The following ANKRD11 variants were observed in gnomAD, a reference collection of about 807,000 sequenced individuals.
ANKRD11 encodes ankyrin repeat domain-containing protein 11.
A neutral mutation model predicts 195.7 loss-of-function variants in ANKRD11; 17 were observed. The ratio of observed to expected loss-of-function variants is 0.09; its 90% confidence interval spans 0.06 to 0.13. The LOEUF is 0.13. ANKRD11 is among the 10% of genes least tolerant of loss of function. The probability of loss-of-function intolerance (pLI) is 1.00; values close to 1 mark genes in which losing one functional copy is unlikely to be tolerated. For synonymous variants in ANKRD11, 1,953 were observed against 1,528.1 expected (o/e 1.28, Z -6.49); for missense variants, 3,735 against 3,566.1 (o/e 1.05, Z -1.21).
intron 4 of ANKRD11, among the ~76,000 whole-genome samples, chr16:89,293,641 G>C (rs2035221006): frequency 8.1e-6 from 1 of 124,190 alleles, no homozygotes; most frequent in African/African-American, 3.2e-5. Flanking sequence ...GGGCTGCGGA[G>C]GGGAGGAGGC....
chr16:89,274,065 G>A (rs995613187), intron 11 of ANKRD11, among the ~76,000 whole-genome samples: 2 of 152,206 alleles, frequency 1.3e-5, no homozygotes, highest in Non-Finnish European at 2.9e-5. Context: ...GGGAGAGCCA[G>A]GGGTCCCACA....
chr16:89,283,827 G>C lies in ANKRD11; in HGVS notation c.2715C>G (p.Phe905Leu). The C allele has an allele frequency of 2.5e-6, 4 of 1,614,076 alleles. No individual in the cohort carries two copies. The highest frequency in any genetic ancestry group is 3.4e-6 in the Non-Finnish European group (4 of 1,180,028). Residue 905 changes from phenylalanine to leucine, a missense_variant, in exon 9 of 13, where the codon TTC (phenylalanine) becomes TTG (leucine). Transcript: ENST00000301030. The surrounding 1 kb of genome is among the most constrained non-coding windows in gnomAD (Gnocchi z 4.3). ...CCAAATAGTCCCTGTCCTTCTTTCG[G>C]AAGAAGGGCTCTCTGTAGTCTCGCT... ...REKRDYREPF[F>L]RKKDRDYLDK... is the part of the protein sequence containing the mutation.
At position 89,336,986 on chromosome 16, in the gene ANKRD11, A is replaced by T. The variant is rs181208318; in HGVS notation, c.-59-19908T>A. ...GGAGGTGGAGACTAGCCTGGGCAAC[A>T]TGGTGAAACCCTGGCTCTACCAAAA... On this transcript the variant is annotated intron_variant, in intron 2 of 12. Coordinates refer to ENST00000301030, the MANE Select transcript of ANKRD11 (RefSeq NM_013275.6). 1.5e-3 allele frequency among the ~76,000 whole-genome samples: 204 copies of T among 138,310 alleles called. 3 individuals carry two copies. Among genetic ancestry groups the T allele is most frequent in the African/African-American group, 5.2e-3 (194 of 37,260 alleles). The allele number at this position is 138,310 out of a possible 152,430, so 90.7% of individuals were successfully genotyped here.
At chr16:89,269,095 G>A (rs2032898921) in intron 12 of ANKRD11, among the ~76,000 whole-genome samples, 1 of 152,242 alleles carries the variant, frequency 6.6e-6, no homozygotes, top group African/African-American at 2.4e-5. Flanking sequence ...ACTGGACTGG[G>A]GTAGCACATA....
intron 1 of ANKRD11, among the ~76,000 whole-genome samples, chr16:89,449,823 G>A (rs1315209899): frequency 6.6e-6 from 1 of 152,066 alleles, no homozygotes; most frequent in African/African-American, 2.4e-5. Context: ...ATACCAACCT[G>A]GTGAGCTAGG....
intron 2 of ANKRD11, among the ~76,000 whole-genome samples, chr16:89,328,145 G>A (rs1036706633): frequency 3.0e-5 from 3 of 98,502 alleles, no homozygotes; most frequent in Admixed American, 1.0e-4. Flanking sequence ...ACTTAAAGCC[G>A]CAATGAGATA....
At chr16:89,320,850 G>A (rs576072253) in intron 2 of ANKRD11, among the ~76,000 whole-genome samples, 1 of 152,360 alleles carries the variant, frequency 6.6e-6, no homozygotes, top group African/African-American at 2.4e-5. Flanking sequence ...CACTGCGAGA[G>A]CCCCTGCAGC....
intron 1 of ANKRD11, among the ~76,000 whole-genome samples, chr16:89,420,791 A>G (rs1421782172): frequency 6.6e-6 from 1 of 152,204 alleles, no homozygotes; most frequent in Non-Finnish European, 1.5e-5. Flanking sequence ...AACACAGCTC[A>G]CTGCGGCCTC....
At chr16:89,269,410 A>G (rs4238828) in intron 12 of ANKRD11, among the ~76,000 whole-genome samples, 13,873 of 152,164 alleles carry the variant, frequency 0.091, 881 homozygotes, top group East Asian at 0.36. Flanking sequence ...TATGTATGAA[A>G]TCGTTTTCGA....
chr16:89,429,880 A>T (rs2042901195), intron 1 of ANKRD11, among the ~76,000 whole-genome samples: 1 of 58,662 alleles, frequency 1.7e-5, no homozygotes, highest in Non-Finnish European at 3.5e-5. Flanking sequence ...TCTAGTACAC[A>T]GCAGGTACTC....
At chr16:89,286,864 A>C in intron 7 of ANKRD11, 3 of 1,288,210 alleles carry the variant, frequency 2.3e-6, no homozygotes, top group Non-Finnish European at 3.0e-6. Flanking sequence ...AATTAAATTT[A>C]ATCCCAACTT....
chr16:89,462,254 G>C (rs2056705035), intron 1 of ANKRD11, among the ~76,000 whole-genome samples: 1 of 152,202 alleles, frequency 6.6e-6, no homozygotes, highest in Admixed American at 6.5e-5. Context: ...TGGTTTTGGT[G>C]GAGACGGGGT....
At chr16:89,313,813 C>A (rs1422851140) in intron 3 of ANKRD11, among the ~76,000 whole-genome samples, 3 of 152,180 alleles carry the variant, frequency 2.0e-5, no homozygotes, top group Non-Finnish European at 4.4e-5. Context: ...CTATTTCAAG[C>A]TACTGTTCAA....
At chr16:89,324,222 G>T in intron 2 of ANKRD11, 1 of 1,198,124 alleles carries the variant, frequency 8.3e-7, no homozygotes, top group South Asian at 1.5e-5. Flanking sequence ...ACTGGCCTCT[G>T]CTTTGCCCCT....
chr16:89,323,251 A>G, intron 2 of ANKRD11: 7 of 1,247,082 alleles, frequency 5.6e-6, no homozygotes, highest in Non-Finnish European at 7.4e-6. Context: ...AAAAGGAAAA[A>G]GAGCTGCATA....
At chr16:89,475,271 T>C (rs1476771452) in intron 1 of ANKRD11, among the ~76,000 whole-genome samples, 2 of 152,100 alleles carry the variant, frequency 1.3e-5, no homozygotes, top group African/African-American at 4.8e-5. Flanking sequence ...GAAAATCCAA[T>C]CATTCTGATG....
chr16:89,279,759 T>C lies in ANKRD11; in HGVS notation c.6783A>G (p.Glu2261=), dbSNP rs762034600. 1 of 1,523,640 alleles carries C rather than the reference T, an allele frequency of 6.6e-7. No homozygotes were observed. Among genetic ancestry groups the C allele is most frequent in the Middle Eastern group, 2.0e-4 (1 of 4,904 alleles). 94.4% of individuals were successfully genotyped at this position (1,523,640 alleles called of 1,614,324 possible). Residue 2261 remains glutamate (E), a synonymous_variant, in exon 9 of 13, where the codon GAA becomes GAG. Coordinates refer to ENST00000301030, the MANE Select transcript of ANKRD11 (RefSeq NM_013275.6). The surrounding 1 kb of genome is among the most constrained non-coding windows in gnomAD (Gnocchi z 5.6). ...LGSGDQGAEA[E]GPPAASLCAP... ...CACAGAGGGACGCGGCGGGGGGGCCTTCAGCCTCAGCCCCCTGGTCTCCGC... is the reference window on the plus strand; with the variant it reads ...CACAGAGGGACGCGGCGGGGGGGCCCTCAGCCTCAGCCCCCTGGTCTCCGC...
intron 2 of ANKRD11, among the ~76,000 whole-genome samples, chr16:89,333,574 A>C (rs74968519): frequency 0.048 from 7,347 of 152,164 alleles, 274 homozygotes; most frequent in East Asian, 0.19. Context: ...TGCTGTCTGC[A>C]CAGTTTTGCC....
At chr16:89,437,377 C>A (rs1402678109) in intron 1 of ANKRD11, among the ~76,000 whole-genome samples, 1 of 152,198 alleles carries the variant, frequency 6.6e-6, no homozygotes, top group Admixed American at 6.5e-5. Context: ...TGTTCCCAAA[C>A]CAGTGCAGCA....
Sources: gnomAD v4.1 joint callset for allele counts (sites outside exome capture counted in the v4.1 genomes callset) on GRCh38, gnomAD v4.1.1 for gene constraint, Gnocchi (gnomAD v3.1) non-coding constraint, MANE v1.5 for transcripts, NCBI Gene and HGNC (gene_info 2026-07-23, HGNC 2026-07-21) for gene names.